Variants in FAT2 observed in about 807,000 individuals in gnomAD.
The protein encoded by FAT2 is FAT atypical cadherin 2, also known as protocadherin Fat 2.
A neutral mutation model predicts 295.3 loss-of-function variants in FAT2; 150 were observed. The observed-to-expected ratio is 0.51, with a 90% CI of 0.44 to 0.58. The LOEUF is 0.58. Among genes scored for constraint, FAT2 ranks in the 20% least tolerant of loss-of-function variants. The probability of loss-of-function intolerance (pLI) is 0.00; values close to 1 mark genes in which losing one functional copy is unlikely to be tolerated. For synonymous variants in FAT2, 2,026 were observed against 2,150.3 expected, an observed-to-expected ratio of 0.94 and a Z score of 1.60; for missense variants, 4,868 against 5,442.7, an observed-to-expected ratio of 0.89 and a Z score of 3.32.
At chr5:151,548,744 G>A (rs1002503687) in intron 9 of FAT2, among the ~76,000 whole-genome samples, 1 of 152,144 alleles carries the variant, frequency 6.6e-6, no homozygotes, top group Admixed American at 6.5e-5. Context: ...GCCTCCCAAA[G>A]TGCTAGGATT....
At chr5:151,523,842 A>G (rs969753135) in intron 18 of FAT2, among the ~76,000 whole-genome samples, 53 of 152,328 alleles carry the variant, frequency 3.5e-4, no homozygotes, top group Admixed American at 7.2e-4. Context: ...GGTTTAGCCC[A>G]TAAACCTGTC....
chr5:151,527,209 G>T, intron 17 of FAT2, 25 bp downstream of exon 17: 1 of 1,581,938 alleles, frequency 6.3e-7, no homozygotes, highest in South Asian at 1.2e-5. Context: ...GAAGGGCTCA[G>T]GGTGCCTTGG....
intron 16 of FAT2, 52 bp downstream of exon 16, chr5:151,527,944 A>G: frequency 6.3e-7 from 1 of 1,593,650 alleles, no homozygotes; most frequent in South Asian, 1.1e-5. Flanking sequence ...CTGCAGTGGG[A>G]CTGTGTCTCT....
chr5:151,556,278 C>G (rs765212931), intron 4 of FAT2, 66 bp downstream of exon 4: 11 of 1,319,160 alleles, frequency 8.3e-6, no homozygotes, highest in Non-Finnish European at 1.2e-5. Context: ...GCTAGACATG[C>G]ACGTGGCTCC....
intron 2 of FAT2, among the ~76,000 whole-genome samples, chr5:151,565,021 G>T (rs555570426): frequency 6.6e-6 from 1 of 152,266 alleles, no homozygotes; most frequent in Admixed American, 6.5e-5. Flanking sequence ...GTTGCAATGA[G>T]CCGAGATCGA....
At chr5:151,587,136 C>T (rs191123780) in intron 1 of FAT2, among the ~76,000 whole-genome samples, 166 of 149,530 alleles carry the variant, frequency 1.1e-3, no homozygotes, top group Non-Finnish European at 1.7e-3. Context: ...AATGAGGCTC[C>T]GTCTCAAAAA....
intron 20 of FAT2, among the ~76,000 whole-genome samples, chr5:151,515,567 C>T (rs1174788898): frequency 6.6e-6 from 1 of 152,220 alleles, no homozygotes; most frequent in Non-Finnish European, 1.5e-5. Flanking sequence ...TACCCTTCCC[C>T]AGGCCTGCTG....
Position 151,567,825 on chromosome 5 carries a change from C to T in FAT2, c.1107G>A (p.Val369=). The stretch of plus-strand genomic sequence containing the variant: ...CAGGAGGGGAAAACTCACTAAGCTG[C>T]ACTCTGTAAACAGCCTTCTCGAATT... ...SLKFEKAVYR[V]QLSEFSPPGS... Residue 369 remains valine, a synonymous_variant, in exon 2 of 24, where the codon GTG becomes GTA. Coordinates refer to ENST00000261800, the MANE Select transcript of FAT2 (RefSeq NM_001447.3). The T allele has an allele frequency of 1.9e-6, 3 of 1,614,178 alleles. No individual in the cohort carries two copies. Among genetic ancestry groups the T allele is most frequent in the Non-Finnish European group, 2.5e-6 (3 of 1,180,038 alleles).
intron 3 of FAT2, among the ~76,000 whole-genome samples, chr5:151,562,463 G>A (rs548617220): frequency 1.1e-3 from 164 of 152,244 alleles, no homozygotes; most frequent in African/African-American, 3.8e-3. Flanking sequence ...AGGAAAGCCA[G>A]GCAGGTGGTG....
chr5:151,593,643 A>T (rs1003539723), upstream of FAT2, among the ~76,000 whole-genome samples: 1 of 152,110 alleles, frequency 6.6e-6, no homozygotes. Flanking sequence ...GTGTTGGTAT[A>T]GCTCATATTC....
chr5:151,544,549 G>C lies in FAT2; in HGVS notation c.6578C>G (p.Thr2193Ser), dbSNP rs749648049. The C allele has an allele frequency of 3.1e-6, 5 of 1,613,942 alleles. No homozygotes were observed. Among genetic ancestry groups the C allele is most frequent in the Non-Finnish European group, 8.5e-7 (1 of 1,179,970 alleles). Residue 2193 changes from threonine to serine, a missense_variant, in exon 10 of 24, where the codon ACC (threonine) becomes AGC (serine). This residue lies in a region of FAT2 where 3,297 missense variants were observed against 3,669.4 expected (regional missense o/e 0.90). Transcript: ENST00000261800. ...NITLYTPILH[T>S]QARSPEGLRL... Reference sequence around the variant, plus strand: ...GAGTCCCTCTGGACTCCGGGCCTGGGTGTGGAGAATTGGGGTATAGAGGGT... The same window carrying C: ...GAGTCCCTCTGGACTCCGGGCCTGGCTGTGGAGAATTGGGGTATAGAGGGT...
At chr5:151,540,179 G>A (rs1325589242) in intron 11 of FAT2, among the ~76,000 whole-genome samples, 2 of 152,242 alleles carry the variant, frequency 1.3e-5, no homozygotes, top group African/African-American at 4.8e-5. Context: ...TGTAGGGGGA[G>A]AGATGTGGGC....
At chr5:151,530,821 GGTCTCTGC>G (rs1269279538) in intron 14 of FAT2, among the ~76,000 whole-genome samples, 1 of 152,184 alleles carries the variant, frequency 6.6e-6, no homozygotes, top group Non-Finnish European at 1.5e-5. Flanking sequence ...AAACCAGGCT[GGTCTCTGC>G]AGATGATTAC....
At chr5:151,565,373 TG>T (rs1003065558) in intron 2 of FAT2, among the ~76,000 whole-genome samples, 2 of 151,962 alleles carry the variant, frequency 1.3e-5, no homozygotes, top group Non-Finnish European at 2.9e-5. Context: ...TGATGGAACA[TG>T]GGGGAGCATT....
At chr5:151,532,388 AACACACACAC>A (rs3056512) in intron 13 of FAT2, among the ~76,000 whole-genome samples, 1,526 of 150,296 alleles carry the variant, frequency 0.01, 27 homozygotes, top group African/African-American at 0.033. Flanking sequence ...TGCGTGTACA[AACACACACAC>A]ACACACACAC....
intron 3 of FAT2, among the ~76,000 whole-genome samples, chr5:151,557,352 T>A (rs971959784): frequency 6.6e-6 from 1 of 152,114 alleles, no homozygotes; most frequent in African/African-American, 2.4e-5. Flanking sequence ...CTGACCCGCC[T>A]GGGGAGAAGT....
chr5:151,534,166 G>A (rs1266397423), intron 13 of FAT2, among the ~76,000 whole-genome samples: 1 of 152,170 alleles, frequency 6.6e-6, no homozygotes. Context: ...AGGTCTAAGT[G>A]GAAGGGGAGA....
rs540767949 is a variant in FAT2, at chr5:151,579,359, G to A, written c.-20-10408C>T. On this transcript the variant is annotated intron_variant, in intron 1 of 23. Coordinates refer to ENST00000261800, the MANE Select transcript of FAT2 (RefSeq NM_001447.3). ...GGCCAAGGCAGGAGGATTGCTTGAA[G>A]CCAGAAGTTTGAGACCAGCTTAGGC... Among the ~76,000 whole-genome samples, 6 of 152,230 alleles carry A rather than the reference G, an allele frequency of 3.9e-5. No individual in the cohort carries two copies. The South Asian group carries it at 8.3e-4, about 21-fold the overall frequency.
In FAT2 at chr5:151,567,181, A is replaced by G; in HGVS notation, c.1751T>C (p.Met584Thr). 1 of 1,614,188 alleles carries G rather than the reference A, an allele frequency of 6.2e-7. No homozygotes were observed. Among genetic ancestry groups the G allele is most frequent in the Non-Finnish European group, 8.5e-7 (1 of 1,180,014 alleles). ...RQDWPVGKSI[M>T]TMSAIDVDEL... ...ATCCACATCTATGGCTGACATAGTCATTATCGATTTCCCTACTGGCCAGTC... is the reference window on the plus strand; with the variant it reads ...ATCCACATCTATGGCTGACATAGTCGTTATCGATTTCCCTACTGGCCAGTC... Residue 584 changes from methionine (M) to threonine (T), a missense_variant, in exon 2 of 24, where the codon ATG becomes ACG. Coordinates refer to ENST00000261800, the MANE Select transcript of FAT2 (RefSeq NM_001447.3).
Sources: allele counts gnomAD v4.1 joint callset (sites outside exome capture counted in the v4.1 genomes callset), GRCh38; gene constraint gnomAD v4.1.1; regional missense constraint gnomAD v4.1.1; transcripts MANE v1.5; gene names NCBI Gene and HGNC (gene_info 2026-07-23, HGNC 2026-07-21).